The following XIRP2 variants were observed in gnomAD, a reference collection of about 807,000 sequenced individuals.
XIRP2 encodes xin actin binding repeat containing 2, also known as xin actin-binding repeat-containing protein 2.
A neutral mutation model predicts 277.0 loss-of-function variants in XIRP2; 236 were observed. That is an observed-to-expected ratio of 0.85 (90% CI 0.77 to 0.95). The LOEUF is 0.95. Among genes scored for constraint, XIRP2 ranks in the 40% least tolerant of loss-of-function variants. The probability of loss-of-function intolerance (pLI) is 0.00; values close to 1 mark genes in which losing one functional copy is unlikely to be tolerated. For missense variants in XIRP2, 4,640 were observed against 4,157.5 expected, an observed-to-expected ratio of 1.12 and a Z score of -3.19; for synonymous variants, 1,490 against 1,416.5, an observed-to-expected ratio of 1.05 and a Z score of -1.17.
At chr2:167,081,572 A>C (rs1464910804) in intron 2 of XIRP2, among the ~76,000 whole-genome samples, 1 of 152,242 alleles carries the variant, frequency 6.6e-6, no homozygotes, top group Non-Finnish European at 1.5e-5. Flanking sequence ...ATTAAAAACT[A>C]TTCTCACAAT....
chr2:167,223,639 T>C (rs188971821), intron 5 of XIRP2, among the ~76,000 whole-genome samples: 42 of 152,288 alleles, frequency 2.8e-4, no homozygotes, highest in African/African-American at 1.0e-3. Context: ...TTGCAAAACA[T>C]TTCTCATCTA....
chr2:167,073,948 A>G (rs1287462350), intron 2 of XIRP2, among the ~76,000 whole-genome samples: 1 of 152,160 alleles, frequency 6.6e-6, no homozygotes, highest in East Asian at 1.9e-4. Flanking sequence ...TAATTTCTTC[A>G]CTTCAAGCTT....
At chr2:167,088,011 T>C (rs1000939944) in intron 2 of XIRP2, among the ~76,000 whole-genome samples, 3 of 152,154 alleles carry the variant, frequency 2.0e-5, no homozygotes, top group African/African-American at 7.2e-5. Flanking sequence ...TAAAAGATGA[T>C]AAGTTTGTAA....
intron 3 of XIRP2, among the ~76,000 whole-genome samples, chr2:167,171,948 T>C (rs114667542): frequency 0.014 from 2,087 of 152,264 alleles, 57 homozygotes; most frequent in African/African-American, 0.048. Flanking sequence ...GGGCATAAAA[T>C]AGGTGTATAT....
In XIRP2 at chr2:167,258,168, C is replaced by T; in HGVS notation, c.*351C>T. The T allele has an allele frequency of 6.2e-7, 1 of 1,613,014 alleles. No homozygotes were observed. The highest frequency in any genetic ancestry group is 8.5e-7 in the Non-Finnish European group (1 of 1,179,534). Reference sequence around the variant, plus strand: ...GGAAAATTAAAAGTCATTTGGCCTCCTTCCAAGGAGATCCCTAAGAAAACC... The same window carrying T: ...GGAAAATTAAAAGTCATTTGGCCTCTTTCCAAGGAGATCCCTAAGAAAACC... On this transcript the variant is annotated 3_prime_UTR_variant, in exon 11 of 11. Transcript: ENST00000409195.
intron 3 of XIRP2, among the ~76,000 whole-genome samples, chr2:167,158,732 A>G (rs1008487520): frequency 2.6e-5 from 4 of 152,244 alleles, no homozygotes; most frequent in East Asian, 1.9e-4. Flanking sequence ...AAATACATAC[A>G]TATGACATTT....
chr2:167,107,809 G>C (rs1690652951), intron 2 of XIRP2, among the ~76,000 whole-genome samples: 1 of 151,358 alleles, frequency 6.6e-6, no homozygotes, highest in South Asian at 2.1e-4. Flanking sequence ...TGTAAGATTT[G>C]TTCTAATTTT....
chr2:166,978,515 A>G (rs1349537990), intron 2 of XIRP2, among the ~76,000 whole-genome samples: 1 of 152,152 alleles, frequency 6.6e-6, no homozygotes, highest in African/African-American at 2.4e-5. Flanking sequence ...AACATAGTAT[A>G]TCGTTCTATT....
At chr2:167,151,393 A>G (rs1692011531) in intron 3 of XIRP2, among the ~76,000 whole-genome samples, 1 of 152,148 alleles carries the variant, frequency 6.6e-6, no homozygotes, top group Admixed American at 6.6e-5. Context: ...GAAAGCCTGG[A>G]CATCACCACT....
intron 4 of XIRP2, among the ~76,000 whole-genome samples, chr2:167,212,189 T>C (rs1007827157): frequency 6.6e-6 from 1 of 152,202 alleles, no homozygotes; most frequent in South Asian, 2.1e-4. Context: ...AGTATCTAGA[T>C]CACTTCCAAA....
At chr2:167,166,817 A>C (rs1178252379) in intron 3 of XIRP2, among the ~76,000 whole-genome samples, 1 of 152,176 alleles carries the variant, frequency 6.6e-6, no homozygotes, top group African/African-American at 2.4e-5. Context: ...TGGGGATTAC[A>C]TCTCAACATG....
intron 2 of XIRP2, among the ~76,000 whole-genome samples, chr2:167,014,560 G>T (rs1411565229): frequency 2.0e-5 from 3 of 151,574 alleles, no homozygotes. Context: ...AAAATACAAA[G>T]AAGTGGAGAA....
At chr2:166,962,979 T>C (rs558138924) in intron 2 of XIRP2, among the ~76,000 whole-genome samples, 38 of 151,714 alleles carry the variant, frequency 2.5e-4, no homozygotes, top group African/African-American at 9.2e-4. Context: ...AACAATAATA[T>C]ATAGTTTCAA....
intron 2 of XIRP2, among the ~76,000 whole-genome samples, chr2:167,098,108 G>T (rs1690373219): frequency 6.6e-6 from 1 of 152,156 alleles, no homozygotes; most frequent in African/African-American, 2.4e-5. Context: ...TTGCTAGGTT[G>T]GGGAGGTTCT....
intron 2 of XIRP2, among the ~76,000 whole-genome samples, chr2:167,082,478 G>A (rs1229176666): frequency 6.6e-6 from 1 of 151,900 alleles, no homozygotes; most frequent in African/African-American, 2.4e-5. Flanking sequence ...GGATGGCTGG[G>A]TCAAATGGTA....
At chr2:167,132,511 T>TACACACACACAC (rs35636231) in intron 2 of XIRP2, among the ~76,000 whole-genome samples, 2,273 of 146,298 alleles carry the variant, frequency 0.016, 22 homozygotes, top group South Asian at 0.033. Flanking sequence ...TGCATGTGTA[T>TACACACACACAC]ACACACACAC....
chr2:167,083,360 A>T (rs910709620), intron 2 of XIRP2, among the ~76,000 whole-genome samples: 40 of 152,274 alleles, frequency 2.6e-4, no homozygotes, highest in East Asian at 7.7e-4. Flanking sequence ...TGTAGTATAG[A>T]TTGAAGTCAG....
intron 2 of XIRP2, among the ~76,000 whole-genome samples, chr2:167,094,144 G>A (rs1690227208): frequency 6.6e-6 from 1 of 151,974 alleles, no homozygotes. Flanking sequence ...CATATACTAT[G>A]CTCACTACTT....
intron 2 of XIRP2, among the ~76,000 whole-genome samples, chr2:167,105,369 A>G (rs1036687039): frequency 6.6e-6 from 1 of 151,758 alleles, no homozygotes; most frequent in African/African-American, 2.4e-5. Flanking sequence ...CTTTTCCATA[A>G]TTTTGTTATT....
Sources: allele counts gnomAD v4.1 joint callset (sites outside exome capture counted in the v4.1 genomes callset), GRCh38; gene constraint gnomAD v4.1.1; transcripts MANE v1.5; gene names NCBI Gene and HGNC (gene_info 2026-07-23, HGNC 2026-07-21).